The following DKK2 variants were observed in gnomAD, a reference collection of about 807,000 sequenced individuals.
The protein encoded by DKK2 is dickkopf Wnt signaling pathway inhibitor 2, also known as dickkopf-related protein 2.
In DKK2, 11 loss-of-function variants were observed where a neutral mutation model predicts 28.1. That is an observed-to-expected ratio of 0.39 (90% CI 0.25 to 0.65). The LOEUF (loss-of-function observed/expected upper bound fraction) is 0.65, where lower values mean the gene tolerates loss of function less well. DKK2 is among the 30% of genes least tolerant of loss of function. The pLI is 0.47. For missense variants in DKK2, 326 were observed against 335.5 expected, an observed-to-expected ratio of 0.97 and a Z score of 0.22; for synonymous variants, 135 against 126.5, an observed-to-expected ratio of 1.07 and a Z score of -0.45.
chr4:106,999,507 C>G (rs546864967), intron 1 of DKK2, among the ~76,000 whole-genome samples: 1 of 152,124 alleles, frequency 6.6e-6, no homozygotes, highest in East Asian at 1.9e-4. Context: ...CCACCATGCC[C>G]GGCTAATTTT....
rs372737741 is a variant in DKK2, at chr4:106,923,905, T to G, written c.*49A>C. On this transcript the variant is annotated 3_prime_UTR_variant, in exon 4 of 4. Transcript: ENST00000285311. ...TATTTTCCACCATGCTATAATGCAT[T>G]AAATACACAACTTCACAGTCTGCAA... 53 of 1,602,014 alleles carry G rather than the reference T, an allele frequency of 3.3e-5. No homozygotes were observed. Among genetic ancestry groups the G allele is most frequent in the African/African-American group, 9.4e-5 (7 of 74,580 alleles).
At chr4:106,926,000 C>T in intron 1 of DKK2, 51 bp from the exon 2 acceptor site, 1 of 1,531,048 alleles carries the variant, frequency 6.5e-7, no homozygotes, top group East Asian at 2.3e-5. Flanking sequence ...TCGTGTTTCA[C>T]TTATGAAACA....
chr4:107,035,898 A>C lies in DKK2; in HGVS notation c.-307T>G, dbSNP rs775464368. On this transcript the variant is annotated 5_prime_UTR_variant, in exon 1 of 4. Coordinates refer to ENST00000285311, the MANE Select transcript of DKK2 (RefSeq NM_014421.3). ...CGTGACCCAAGGTGCAAGAAAACCC[A>C]GCCCTGTGGATCGCACCGCTTCCGT... 23 of 426,456 alleles carry C rather than the reference A, an allele frequency of 5.4e-5. No individual in the cohort carries two copies. Among genetic ancestry groups the C allele is most frequent in the Non-Finnish European group, 9.5e-5 (22 of 231,652 alleles). 26.4% of individuals were successfully genotyped at this position (426,456 alleles called of 1,614,324 possible). A position where few individuals can be genotyped will look rare whatever the true frequency, so the allele number is the denominator to read the frequency against.
At chr4:106,966,323 GT>G (rs59062684) in intron 1 of DKK2, among the ~76,000 whole-genome samples, 9,327 of 152,030 alleles carry the variant, frequency 0.061, 312 homozygotes, top group Non-Finnish European at 0.074. Context: ...AATAATAAAT[GT>G]TTTTTTGCTT....
chr4:107,021,887 C>T (rs971050349), intron 1 of DKK2, among the ~76,000 whole-genome samples: 1 of 152,044 alleles, frequency 6.6e-6, no homozygotes, highest in Non-Finnish European at 1.5e-5. Context: ...CTTGCTTGTA[C>T]CTACAAGTCA....
intron 1 of DKK2, among the ~76,000 whole-genome samples, chr4:106,980,153 T>A (rs1723007474): frequency 6.6e-6 from 1 of 152,202 alleles, no homozygotes; most frequent in African/African-American, 2.4e-5. Flanking sequence ...TTTTGTTTTA[T>A]TATGTTTTGT....
intron 1 of DKK2, among the ~76,000 whole-genome samples, chr4:106,957,539 G>A (rs1343418474): frequency 1.3e-5 from 2 of 152,044 alleles, no homozygotes; most frequent in South Asian, 2.1e-4. Context: ...TTAAGAAAAT[G>A]TGGCACACAT....
chr4:107,034,791 A>G (rs1723937240), intron 1 of DKK2, among the ~76,000 whole-genome samples: 1 of 152,178 alleles, frequency 6.6e-6, no homozygotes, highest in South Asian at 2.1e-4. Flanking sequence ...TGTCCCCTCC[A>G]GATTGTAAAA....
Position 106,923,939 on chromosome 4 carries a change from G to GTTCCTC in DKK2, c.*9_*14dup. ...AACTTCACAGTCTGCAATTGATGATGTTCCTCAATGGTGATCAAATTTTCT... is the reference window on the plus strand; with the variant it reads ...AACTTCACAGTCTGCAATTGATGATGTTCCTCTTCCTCAATGGTGATCAAATTTTCT... On this transcript the variant is annotated 3_prime_UTR_variant, in exon 4 of 4. Coordinates refer to ENST00000285311, the MANE Select transcript of DKK2 (RefSeq NM_014421.3). The GTTCCTC allele has an allele frequency of 6.2e-7, 1 of 1,609,330 alleles. No homozygotes were observed. The highest frequency in any genetic ancestry group is 8.5e-7 in the Non-Finnish European group (1 of 1,175,950).
At chr4:106,926,213 G>T (rs1218250658) in intron 1 of DKK2, among the ~76,000 whole-genome samples, 2 of 152,076 alleles carry the variant, frequency 1.3e-5, no homozygotes, top group African/African-American at 4.8e-5. Flanking sequence ...TTAGAATTTA[G>T]ACTTTTATTG....
At chr4:106,999,673 A>G (rs955782754) in intron 1 of DKK2, among the ~76,000 whole-genome samples, 7 of 152,116 alleles carry the variant, frequency 4.6e-5, no homozygotes, top group African/African-American at 7.2e-5. Flanking sequence ...AAATTTTTTC[A>G]AATTCAGCCA....
intron 1 of DKK2, among the ~76,000 whole-genome samples, chr4:107,012,220 T>C (rs928963253): frequency 2.0e-5 from 3 of 151,382 alleles, no homozygotes; most frequent in Non-Finnish European, 4.4e-5. Flanking sequence ...TAAACCTGTT[T>C]TATGACAGCT....
At chr4:106,938,142 G>A (rs1367628203) in intron 1 of DKK2, among the ~76,000 whole-genome samples, 92 of 147,452 alleles carry the variant, frequency 6.2e-4, no homozygotes, top group Middle Eastern at 3.5e-3. Flanking sequence ...AGGAAATAGA[G>A]ACACAAAAAA....
At chr4:107,023,210 T>C (rs1253233069) in intron 1 of DKK2, among the ~76,000 whole-genome samples, 1 of 152,146 alleles carries the variant, frequency 6.6e-6, no homozygotes, top group Non-Finnish European at 1.5e-5. Context: ...ATATAATTAA[T>C]TACTTTTGCT....
chr4:107,016,485 TA>T (rs1370757063), intron 1 of DKK2, among the ~76,000 whole-genome samples: 1 of 151,966 alleles, frequency 6.6e-6, no homozygotes, highest in African/African-American at 2.4e-5. Context: ...CATGTTTGCA[TA>T]AATCTATTTT....
intron 1 of DKK2, among the ~76,000 whole-genome samples, chr4:106,927,596 C>T (rs770602924): frequency 1.3e-5 from 2 of 152,124 alleles, no homozygotes; most frequent in Non-Finnish European, 2.9e-5. Flanking sequence ...CACTCTGTAA[C>T]TCCACCATTA....
chr4:106,961,460 T>G (rs1352420809), intron 1 of DKK2, among the ~76,000 whole-genome samples: 11 of 152,096 alleles, frequency 7.2e-5, no homozygotes, highest in Admixed American at 5.2e-4. Context: ...GACATTTTCA[T>G]AAGTGGTTAC....
At chr4:106,974,178 G>A (rs1722908466) in intron 1 of DKK2, among the ~76,000 whole-genome samples, 1 of 152,090 alleles carries the variant, frequency 6.6e-6, no homozygotes, top group African/African-American at 2.4e-5. Context: ...GTAGCATGAT[G>A]CCTCCAGTTT....
intron 1 of DKK2, among the ~76,000 whole-genome samples, chr4:107,021,777 C>A (rs537754150): frequency 3.3e-5 from 5 of 152,194 alleles, no homozygotes; most frequent in South Asian, 4.1e-4. Context: ...ACTTCAATTT[C>A]TCCTACAATA....
Sources: gnomAD v4.1 joint callset for allele counts (sites outside exome capture counted in the v4.1 genomes callset) on GRCh38, gnomAD v4.1.1 for gene constraint, MANE v1.5 for transcripts, NCBI Gene and HGNC (gene_info 2026-07-23, HGNC 2026-07-21) for gene names.